SLC4A4: variants seen among roughly 807,000 people sequenced by gnomAD.
SLC4A4 encodes the protein electrogenic sodium bicarbonate cotransporter 1.
Under a neutral mutation model 111.5 loss-of-function variants are expected in SLC4A4, and 27 were observed. The ratio of observed to expected loss-of-function variants is 0.24; its 90% CI spans 0.18 to 0.33. SLC4A4 has a LOEUF of 0.33. Ranked by LOEUF, SLC4A4 falls within the 10% of genes least tolerant of loss-of-function variation. SLC4A4 has a pLI of 1.00. For missense variants in SLC4A4, 909 were observed against 1,315.5 expected (o/e 0.69, Z 4.78); for synonymous variants, 443 against 463.4 (o/e 0.96, Z 0.57).
At chr4:71,364,349 A>G (rs1178025769) in intron 6 of SLC4A4, among the ~76,000 whole-genome samples, 2 of 152,364 alleles carry the variant, frequency 1.3e-5, no homozygotes, top group Admixed American at 1.3e-4. Context: ...CCAGGAATAA[A>G]TGAGATACCT....
intron 7 of SLC4A4, among the ~76,000 whole-genome samples, chr4:71,430,696 C>T (rs990475161): frequency 6.6e-6 from 1 of 152,144 alleles, no homozygotes; most frequent in African/African-American, 2.4e-5. Context: ...TCTCTTCATC[C>T]ATTTTCCTCT....
chr4:71,342,430 A>T (rs918584500), intron 4 of SLC4A4, among the ~76,000 whole-genome samples: 1 of 152,152 alleles, frequency 6.6e-6, no homozygotes, highest in South Asian at 2.1e-4. Context: ...TTTGCTGCTC[A>T]CTAGCTGTTT....
intron 2 of SLC4A4, among the ~76,000 whole-genome samples, chr4:71,134,870 G>A (rs571790812): frequency 6.6e-6 from 1 of 152,292 alleles, no homozygotes; most frequent in Non-Finnish European, 1.5e-5. Flanking sequence ...TAGGTAGGAT[G>A]TTGGGAGTGC....
At chr4:71,424,121 C>T (rs1339040621) in intron 7 of SLC4A4, among the ~76,000 whole-genome samples, 1 of 152,044 alleles carries the variant, frequency 6.6e-6, no homozygotes, top group Admixed American at 6.6e-5. Context: ...CCAGAATCTA[C>T]AATGAACTCA....
At chr4:71,080,303 G>C (rs78303856) in intron 1 of SLC4A4, among the ~76,000 whole-genome samples, 1 of 152,006 alleles carries the variant, frequency 6.6e-6, no homozygotes, top group African/African-American at 2.4e-5. Context: ...GGGTCTACTG[G>C]GGTCAGCGTG....
chr4:71,397,437 C>T (rs1719922862), intron 6 of SLC4A4, 140 bp from the exon 7 acceptor site: 1 of 780,338 alleles, frequency 1.3e-6, no homozygotes, highest in South Asian at 1.5e-5. Flanking sequence ...CTCTGGAAAA[C>T]TCTTCAGAAG....
At chr4:71,225,551 G>C (rs1385232930) in intron 1 of SLC4A4, among the ~76,000 whole-genome samples, 1 of 152,166 alleles carries the variant, frequency 6.6e-6, no homozygotes, top group Non-Finnish European at 1.5e-5. Flanking sequence ...AATTTCAGGA[G>C]CCTCATCCCT....
chr4:71,285,784 A>G (rs1414810513), intron 3 of SLC4A4, among the ~76,000 whole-genome samples: 1 of 152,226 alleles, frequency 6.6e-6, no homozygotes, highest in African/African-American at 2.4e-5. Context: ...TTAGATTAAA[A>G]TGTCATCTAA....
intron 1 of SLC4A4, among the ~76,000 whole-genome samples, chr4:71,206,040 A>G (rs1717745576): frequency 6.6e-6 from 1 of 152,222 alleles, no homozygotes; most frequent in Non-Finnish European, 1.5e-5. Context: ...TATGTCGTAG[A>G]ACGCATTTGG....
At chr4:71,289,058 T>C (rs1397050185) in intron 3 of SLC4A4, among the ~76,000 whole-genome samples, 1 of 152,142 alleles carries the variant, frequency 6.6e-6, no homozygotes, top group Non-Finnish European at 1.5e-5. Context: ...TGTGCTTTGT[T>C]ATACCTCTGG....
chr4:71,165,931 A>G (rs1744734262), intron 2 of SLC4A4, among the ~76,000 whole-genome samples: 1 of 152,188 alleles, frequency 6.6e-6, no homozygotes, highest in Non-Finnish European at 1.5e-5. Flanking sequence ...AGGAGCTTCC[A>G]GAATCTTAAC....
chr4:71,340,565 T>G (rs1728828402), intron 4 of SLC4A4, among the ~76,000 whole-genome samples: 1 of 152,208 alleles, frequency 6.6e-6, no homozygotes, highest in Non-Finnish European at 1.5e-5. Context: ...TCTTGGAATG[T>G]ATCCCCTGTG....
chr4:71,347,979 A>G (rs1206101263), intron 4 of SLC4A4, among the ~76,000 whole-genome samples: 5 of 152,166 alleles, frequency 3.3e-5, no homozygotes. Context: ...TTGCTTTCAT[A>G]TATGATGATA....
intron 14 of SLC4A4, among the ~76,000 whole-genome samples, chr4:71,483,284 A>ATGG: frequency 6.6e-6 from 1 of 151,626 alleles, no homozygotes; most frequent in Non-Finnish European, 1.5e-5. Context: ...TATTAAGCCA[A>ATGG]GTACCCATTA....
chr4:71,409,363 T>C (rs1257635581), intron 7 of SLC4A4, among the ~76,000 whole-genome samples: 1 of 152,168 alleles, frequency 6.6e-6, no homozygotes, highest in Non-Finnish European at 1.5e-5. Flanking sequence ...ATATGAACAA[T>C]AAGGTTCAGG....
intron 7 of SLC4A4, among the ~76,000 whole-genome samples, chr4:71,416,040 C>A (rs1721797693): frequency 6.6e-6 from 1 of 152,204 alleles, no homozygotes; most frequent in African/African-American, 2.4e-5. Context: ...AATGGAAGAA[C>A]TGAGATTTTC....
intron 3 of SLC4A4, among the ~76,000 whole-genome samples, chr4:71,294,563 A>G (rs1461481506): frequency 1.3e-5 from 2 of 152,190 alleles, no homozygotes; most frequent in Non-Finnish European, 2.9e-5. Flanking sequence ...TGTGCCTGTT[A>G]GGAGAGCATT....
At chr4:71,497,826 C>T (rs1461079058) in intron 16 of SLC4A4, 134 bp downstream of exon 16, 4 of 759,448 alleles carry the variant, frequency 5.3e-6, no homozygotes, top group Admixed American at 2.3e-5. Context: ...CATTACACTT[C>T]AATCTTTGTT....
intron 16 of SLC4A4, among the ~76,000 whole-genome samples, chr4:71,506,778 C>G (rs2149167265): frequency 6.6e-6 from 1 of 152,038 alleles, no homozygotes; most frequent in African/African-American, 2.4e-5. Context: ...AGGTCGTCCT[C>G]AAGACACATA....
Sources: gnomAD v4.1 joint callset for allele counts (sites outside exome capture counted in the v4.1 genomes callset) on GRCh38, gnomAD v4.1.1 for gene constraint, MANE v1.5 for transcripts, NCBI Gene and HGNC (gene_info 2026-07-23, HGNC 2026-07-21) for gene names.